The following PLA2G4D variants were observed in gnomAD, a reference collection of about 807,000 sequenced individuals.
The protein encoded by PLA2G4D is cytosolic phospholipase A2 delta.
Under a neutral mutation model 94.4 loss-of-function variants are expected in PLA2G4D, and 80 were observed. The observed-to-expected ratio is 0.85, with a 90% CI of 0.71 to 1.02. The LOEUF is 1.02. PLA2G4D is among the 50% of genes least tolerant of loss of function. The pLI is 0.00. For missense variants in PLA2G4D, 1,050 were observed against 1,034.7 expected (o/e 1.01, Z -0.20); for synonymous variants, 438 against 440.9 (o/e 0.99, Z 0.08).
intron 1 of PLA2G4D, 66 bp from the exon 2 acceptor site, chr15:42,087,766 C>T (rs956487643): frequency 2.2e-5 from 33 of 1,534,042 alleles, no homozygotes; most frequent in African/African-American, 2.7e-5. Flanking sequence ...AGCTGCAGCC[C>T]GGGCTGCCGA....
In PLA2G4D at chr15:42,067,292, T is replaced by A. The variant is rs1889704021; in HGVS notation, c.*1423A>T. The A allele has an allele frequency of 6.6e-6, 1 of 152,272 alleles. No homozygotes were observed. The highest frequency in any genetic ancestry group is 1.5e-5 in the Non-Finnish European group (1 of 68,166). The allele number at this position is 152,272 out of a possible 1,614,324, so 9.4% of individuals were successfully genotyped here. Reference sequence around the variant, plus strand: ...GGCTCACACCAGTAATCCCAGCACTTTGGGAGGCTGAGGCAGGAGGATTGC... The same window carrying A: ...GGCTCACACCAGTAATCCCAGCACTATGGGAGGCTGAGGCAGGAGGATTGC... On this transcript the variant is annotated 3_prime_UTR_variant, in exon 20 of 20. Transcript: ENST00000290472.
chr15:42,094,385 G>A (rs1388967719), intron 1 of PLA2G4D, 30 bp downstream of exon 1: 4 of 1,613,130 alleles, frequency 2.5e-6, no homozygotes, highest in East Asian at 2.2e-5. Context: ...TGCCCTGACT[G>A]GTGCCCACAT....
intron 1 of PLA2G4D, among the ~76,000 whole-genome samples, chr15:42,093,075 C>G (rs1017769023): frequency 6.6e-6 from 1 of 152,136 alleles, no homozygotes; most frequent in African/African-American, 2.4e-5. Context: ...GAACAGGTCC[C>G]GGATGGCCAG....
chr15:42,079,660 C>T lies in PLA2G4D; in HGVS notation c.1194G>A (p.Glu398=). 6.2e-7 allele frequency: 1 copy of T among 1,613,036 alleles called. No individual in the cohort carries two copies. The highest frequency in any genetic ancestry group is 8.5e-7 in the Non-Finnish European group (1 of 1,179,554). Residue 398 remains glutamate, a synonymous_variant, in exon 13 of 20, where the codon GAG becomes GAA. Coordinates refer to ENST00000290472, the MANE Select transcript of PLA2G4D (RefSeq NM_178034.4). The stretch of plus-strand genomic sequence containing the variant: ...TCGCCAGGCGCTCTGGGGAAAAGAC[C>T]TCCAGCTTGCTCTTGGCCAGGTGCT... ...AREHLAKSKL[E]VFSPERLASY...
chr15:42,068,744 C>T lies in PLA2G4D; in HGVS notation c.2428G>A (p.Glu810Lys), dbSNP rs1889735490. The T allele has an allele frequency of 6.2e-7, 1 of 1,610,548 alleles. No homozygotes were observed. Among genetic ancestry groups the T allele is most frequent in the Non-Finnish European group, 8.5e-7 (1 of 1,178,306 alleles). ...GTCTGTGCCCTTGGAGGCCTCGCCTCTAGAGTCCGGTGCTTCAGCGCGGTC... is the reference window on the plus strand; with the variant it reads ...GTCTGTGCCCTTGGAGGCCTCGCCTTTAGAGTCCGGTGCTTCAGCGCGGTC... ...LRTALKHRTLEARPPRAQT is the reference protein window; with the variant it reads ...LRTALKHRTLKARPPRAQT The change falls in exon 20 of 20, where the codon GAG becomes AAG. Residue 810 changes from glutamate (E) to lysine (K), a missense_variant. Physicochemically the swap from Glu to Lys is moderately conservative, Grantham distance 56. Transcript: ENST00000290472.
At chr15:42,087,003 C>T (rs1454508349) in intron 3 of PLA2G4D, among the ~76,000 whole-genome samples, 3 of 152,204 alleles carry the variant, frequency 2.0e-5, no homozygotes, top group Non-Finnish European at 4.4e-5. Context: ...CACGCATTAT[C>T]TCATCTCACC....
intron 3 of PLA2G4D, 42 bp downstream of exon 3, chr15:42,087,258 A>G (rs1255420989): frequency 1.2e-6 from 2 of 1,613,110 alleles, no homozygotes; most frequent in Admixed American, 1.7e-5. Flanking sequence ...ATGGGGGTCC[A>G]GCCCGTTCAC....
At chr15:42,088,513 G>A (rs1890193898) in intron 1 of PLA2G4D, among the ~76,000 whole-genome samples, 1 of 152,216 alleles carries the variant, frequency 6.6e-6, no homozygotes, top group African/African-American at 2.4e-5. Context: ...CCCCGGCACT[G>A]CCACGATCAG....
rs961689230 is a variant in PLA2G4D at position 42,070,104 on chromosome 15, G to T, written c.2044-9C>A. The T allele has an allele frequency of 3.4e-6, 5 of 1,489,104 alleles. No homozygotes were observed. In the African/African-American group the frequency reaches 5.8e-5, roughly 17 times the overall value. The allele number at this position is 1,489,104 out of a possible 1,614,324, so 92.2% of individuals were successfully genotyped here. A position where few individuals can be genotyped will look rare whatever the true frequency, so the allele number is the denominator to read the frequency against. On this transcript the variant is annotated splice_polypyrimidine_tract_variant and intron_variant, in intron 18 of 19. Coordinates refer to ENST00000290472, the MANE Select transcript of PLA2G4D (RefSeq NM_178034.4). ...TCCGTCTGCTGCAGTGCCTGGTGGG[G>T]AGAAGGTGGCCCGGAGAGAACCAGC...
In PLA2G4D at chr15:42,071,272, GC is replaced by G. The variant is rs1566860075; in HGVS notation, c.1726del (p.Ala576ProfsTer18). 8 of 1,599,840 alleles carry G rather than the reference GC, an allele frequency of 5.0e-6. No homozygotes were observed. The highest frequency in any genetic ancestry group is 6.8e-6 in the Non-Finnish European group (8 of 1,176,082). On this transcript the variant is annotated frameshift_variant, in exon 17 of 20. Transcript: ENST00000290472. LOFTEE classifies it high-confidence loss of function. ...CGCCGTGCCTGGCTGCAGCCACGAG[GC>G]CTCCAGCCGCGAGGAGGTCCCCGAG... is the stretch of plus-strand genomic sequence containing the variant. ...TTSGTSSRLE[A>X]SWLQPGTALA...
chr15:42,092,167 AT>A lies in PLA2G4D; in HGVS notation c.45+2247del, dbSNP rs148315585. 5.1e-3 allele frequency among the ~76,000 whole-genome samples: 768 copies of A among 151,866 alleles called. 7 individuals carry two copies. Among genetic ancestry groups the A allele is most frequent in the African/African-American group, 0.018 (747 of 41,492 alleles). On this transcript the variant is annotated intron_variant, in intron 1 of 19. Transcript: ENST00000290472. Reference sequence around the variant, plus strand: ...CTGGTCCCTACACTACTGTAACTTTATTTATCCTCCCACAGCTTCAAAAGAC... The same window carrying A: ...CTGGTCCCTACACTACTGTAACTTTATTATCCTCCCACAGCTTCAAAAGAC...
At chr15:42,094,164 T>C (rs1453763971) in intron 1 of PLA2G4D, among the ~76,000 whole-genome samples, 3 of 151,072 alleles carry the variant, frequency 2.0e-5, no homozygotes, top group African/African-American at 7.3e-5. Flanking sequence ...GGGGGAGAGG[T>C]CCCTAAGGAC....
Position 42,091,875 on chromosome 15 carries a change from G to A in PLA2G4D, c.45+2540C>T, listed in dbSNP as rs569992973. Among the ~76,000 whole-genome samples, 539 of 152,268 alleles carry A rather than the reference G, an allele frequency of 3.5e-3. 4 individuals carry two copies. The highest frequency in any genetic ancestry group is 0.012 in the African/African-American group (517 of 41,524). The stretch of plus-strand genomic sequence containing the variant: ...CTCTCTCTGCCTCGGCTACCAGGCA[G>A]GGAAGGGCCCCCTGTCCAGTGGACA... On this transcript the variant is annotated intron_variant, in intron 1 of 19. Coordinates refer to ENST00000290472, the MANE Select transcript of PLA2G4D (RefSeq NM_178034.4).
chr15:42,082,852 G>A (rs1401980509), intron 8 of PLA2G4D, among the ~76,000 whole-genome samples: 1 of 152,170 alleles, frequency 6.6e-6, no homozygotes. Context: ...GACAAGGATG[G>A]CTGAGGCATC....
intron 1 of PLA2G4D, among the ~76,000 whole-genome samples, chr15:42,092,084 T>C (rs561230374): frequency 2.0e-5 from 3 of 152,322 alleles, no homozygotes; most frequent in Non-Finnish European, 4.4e-5. Flanking sequence ...GTCTTGTGTC[T>C]TTATTTCTAA....
chr15:42,078,217 T>C (rs1467137231), intron 13 of PLA2G4D, among the ~76,000 whole-genome samples: 2 of 152,234 alleles, frequency 1.3e-5, no homozygotes, highest in African/African-American at 4.8e-5. Flanking sequence ...ACACTTGAAT[T>C]TCTTCCTGGG....
Position 42,071,167 on chromosome 15 carries a change from A to G in PLA2G4D, c.1832T>C (p.Leu611Pro). 6.2e-7 allele frequency: 1 copy of G among 1,613,128 alleles called. No individual in the cohort carries two copies. Among genetic ancestry groups the G allele is most frequent in the Non-Finnish European group, 8.5e-7 (1 of 1,179,696 alleles). Residue 611 changes from leucine (L) to proline (P), a missense_variant, in exon 17 of 20, where the codon CTG becomes CCG. Coordinates refer to ENST00000290472, the MANE Select transcript of PLA2G4D (RefSeq NM_178034.4). ...TTTGTGGCTACAGTAGTCCTGGTGC[A>G]GCTGGAGGCCCTGGAGGAAGTTGGG... is the stretch of plus-strand genomic sequence containing the variant. ...RSPNFLQGLQ[L>P]HQDYCSHKDF...
chr15:42,069,053 C>T, intron 19 of PLA2G4D, 112 bp from the exon 20 acceptor site: 1 of 848,510 alleles, frequency 1.2e-6, no homozygotes, highest in Admixed American at 2.4e-5. Flanking sequence ...TTCCTCCCAG[C>T]TCTCTGTGTC....
Position 42,068,785 on chromosome 15 carries a change from A to C in PLA2G4D, c.2387T>G (p.Ile796Ser), listed in dbSNP as rs773573161. Residue 796 changes from isoleucine (I) to serine (S), a missense_variant, in exon 20 of 20, where the codon ATC becomes AGC. By Grantham distance (142) the Ile-to-Ser change is moderately radical. Transcript: ENST00000290472. ...CAGCGCGGTCCTCAGGGCCTGCAGG[A>C]TGGCACCCTGGCTGGTCTGCACGTT... ...DYNVQTSQGA[I>S]LQALRTALKH... is the part of the protein sequence containing the mutation. 1 of 1,613,432 alleles carries C rather than the reference A, an allele frequency of 6.2e-7. No individual in the cohort carries two copies. The highest frequency in any genetic ancestry group is 2.2e-5 in the East Asian group (1 of 44,872).
Sources: gnomAD v4.1 joint callset for allele counts (sites outside exome capture counted in the v4.1 genomes callset) on GRCh38, gnomAD v4.1.1 for gene constraint, MANE v1.5 for transcripts, NCBI Gene and HGNC (gene_info 2026-07-23, HGNC 2026-07-21) for gene names.